EXOC6B: variants seen among roughly 807,000 people sequenced by gnomAD.
The protein encoded by EXOC6B is exocyst complex component 6B, also known as SEC15 homolog B.
In EXOC6B, 54 loss-of-function variants were observed where a neutral mutation model predicts 113.5. The ratio of observed to expected loss-of-function variants is 0.48; its 90% CI spans 0.38 to 0.60. The LOEUF (loss-of-function observed/expected upper bound fraction) is 0.60. Ranked by LOEUF, EXOC6B falls within the 20% of genes least tolerant of loss-of-function variation. The pLI, the probability that EXOC6B is intolerant of heterozygous loss-of-function variation, is 0.00. For synonymous variants in EXOC6B, 357 were observed against 339.0 expected, an observed-to-expected ratio of 1.05 and a Z score of -0.58; for missense variants, 797 against 977.5, an observed-to-expected ratio of 0.82 and a Z score of 2.46.
chr2:72,744,790 GA>G (rs1330752701), intron 1 of EXOC6B, among the ~76,000 whole-genome samples: 1 of 151,778 alleles, frequency 6.6e-6, no homozygotes, highest in Non-Finnish European at 1.5e-5. Context: ...CAACCTCACA[GA>G]AAAGCAAATT....
At chr2:72,188,432 G>A (rs530191401) in intron 20 of EXOC6B, among the ~76,000 whole-genome samples, 27 of 152,100 alleles carry the variant, frequency 1.8e-4, no homozygotes, top group Non-Finnish European at 8.8e-5. Flanking sequence ...GGTCCATGTT[G>A]CTTCCCACAG....
chr2:72,257,167 T>C (rs1207702769), intron 20 of EXOC6B, among the ~76,000 whole-genome samples: 1 of 152,198 alleles, frequency 6.6e-6, no homozygotes, highest in Non-Finnish European at 1.5e-5. Context: ...TTCAAAGTGT[T>C]TGAGTACAAA....
rs1675451292 is a variant in EXOC6B at position 72,667,078 on chromosome 2, T to C, written c.669+51025A>G. 4.6e-5 allele frequency among the ~76,000 whole-genome samples: 7 copies of C among 152,154 alleles called. 1 individual carries two copies. Among genetic ancestry groups the C allele is most frequent in the Admixed American group, 4.6e-4 (7 of 15,258 alleles). ...TGGGGTTTCACCGTATTAGCCAGGATGGTAACTTTCTCCTGACCTCGAGAT... is the reference window on the plus strand; with the variant it reads ...TGGGGTTTCACCGTATTAGCCAGGACGGTAACTTTCTCCTGACCTCGAGAT... On this transcript the variant is annotated intron_variant, in intron 6 of 21. Transcript: ENST00000272427.
At chr2:72,622,204 A>G (rs1456301324) in intron 6 of EXOC6B, among the ~76,000 whole-genome samples, 2 of 151,306 alleles carry the variant, frequency 1.3e-5, no homozygotes, top group Admixed American at 6.6e-5. Context: ...TATCTTATAA[A>G]TAACATTTTA....
intron 6 of EXOC6B, among the ~76,000 whole-genome samples, chr2:72,638,137 TC>T (rs763921572): frequency 2.0e-5 from 3 of 151,248 alleles, no homozygotes; most frequent in Non-Finnish European, 3.0e-5. Flanking sequence ...AGAGAGAAGG[TC>T]CAAACAGATA....
At chr2:72,631,422 GTGTGTATA>G (rs1453222233) in intron 6 of EXOC6B, among the ~76,000 whole-genome samples, 1 of 7,042 alleles carries the variant, frequency 1.4e-4, no homozygotes, top group African/African-American at 3.8e-4. Context: ...GTGTGTGTGT[GTGTGTATA>G]TATATATATA....
intron 1 of EXOC6B, among the ~76,000 whole-genome samples, chr2:72,818,959 GC>G (rs1686432824): frequency 6.6e-6 from 1 of 152,072 alleles, no homozygotes; most frequent in African/African-American, 2.4e-5. Context: ...TCGCTAAATA[GC>G]ACTACATTAT....
intron 20 of EXOC6B, among the ~76,000 whole-genome samples, chr2:72,273,915 C>T (rs1401895454): frequency 6.6e-6 from 1 of 152,058 alleles, no homozygotes; most frequent in African/African-American, 2.4e-5. Flanking sequence ...TGTAAAATAA[C>T]TATGATAAAG....
chr2:72,377,797 A>AT (rs1171490771), intron 19 of EXOC6B, among the ~76,000 whole-genome samples: 1 of 152,178 alleles, frequency 6.6e-6, no homozygotes, highest in Non-Finnish European at 1.5e-5. Flanking sequence ...ACTTTAGTTA[A>AT]TAACAATGTA....
intron 20 of EXOC6B, among the ~76,000 whole-genome samples, chr2:72,230,175 ACT>A (rs2104462731): frequency 6.6e-6 from 1 of 152,290 alleles, no homozygotes; most frequent in East Asian, 1.9e-4. Flanking sequence ...CTATAAAGAA[ACT>A]CACTAAAATT....
chr2:72,699,638 G>C (rs983466185), intron 6 of EXOC6B, among the ~76,000 whole-genome samples: 3 of 152,028 alleles, frequency 2.0e-5, no homozygotes, highest in Admixed American at 2.0e-4. Context: ...GCATTTGTTT[G>C]CTTTCTTATA....
intron 18 of EXOC6B, among the ~76,000 whole-genome samples, chr2:72,417,934 T>C (rs1694631889): frequency 6.6e-6 from 1 of 152,148 alleles, no homozygotes; most frequent in South Asian, 2.1e-4. Context: ...GAGGTGAATT[T>C]TGTTTTAAAG....
At chr2:72,649,252 A>C (rs1264001102) in intron 6 of EXOC6B, among the ~76,000 whole-genome samples, 1 of 152,214 alleles carries the variant, frequency 6.6e-6, no homozygotes, top group Non-Finnish European at 1.5e-5. Flanking sequence ...GGCACAAAAA[A>C]CAGCTAGATA....
chr2:72,550,182 C>A, intron 8 of EXOC6B, among the ~76,000 whole-genome samples: 1 of 151,862 alleles, frequency 6.6e-6, no homozygotes. Flanking sequence ...AAAAAAATTA[C>A]AAACATTTAT....
At chr2:72,768,824 T>C (rs960148031) in intron 1 of EXOC6B, among the ~76,000 whole-genome samples, 1 of 152,102 alleles carries the variant, frequency 6.6e-6, no homozygotes, top group African/African-American at 2.4e-5. Context: ...TAAAGAAAAC[T>C]ATACTTGGCC....
chr2:72,472,715 T>C (rs1277755324), intron 17 of EXOC6B, among the ~76,000 whole-genome samples: 1 of 152,136 alleles, frequency 6.6e-6, no homozygotes, highest in Non-Finnish European at 1.5e-5. Flanking sequence ...ATTATTTCCT[T>C]CTGATATTGT....
At chr2:72,751,418 G>C (rs988885191) in intron 1 of EXOC6B, among the ~76,000 whole-genome samples, 1 of 152,062 alleles carries the variant, frequency 6.6e-6, no homozygotes, top group Admixed American at 6.6e-5. Context: ...GGGTTGTAGA[G>C]ACCAAGGTTT....
chr2:72,278,003 T>C (rs926121636), intron 20 of EXOC6B, among the ~76,000 whole-genome samples: 1 of 152,158 alleles, frequency 6.6e-6, no homozygotes, highest in Non-Finnish European at 1.5e-5. Context: ...AATTATCATC[T>C]CTTGAAGGCG....
chr2:72,231,811 C>T (rs1306669068), intron 20 of EXOC6B, among the ~76,000 whole-genome samples: 2 of 152,030 alleles, frequency 1.3e-5, no homozygotes, highest in African/African-American at 4.8e-5. Context: ...TATATATGTG[C>T]TTATACACTG....
Sources: allele counts gnomAD v4.1 joint callset (sites outside exome capture counted in the v4.1 genomes callset), GRCh38; gene constraint gnomAD v4.1.1; transcripts MANE v1.5; gene names NCBI Gene and HGNC (gene_info 2026-07-23, HGNC 2026-07-21).